NRDC: variants seen among roughly 807,000 people sequenced by gnomAD.
NRDC encodes the protein nardilysin.
Under a neutral mutation model 147.1 loss-of-function variants are expected in NRDC, and 54 were observed. The observed-to-expected ratio is 0.37, with a 90% confidence interval of 0.29 to 0.46. NRDC has a LOEUF of 0.46. Among genes scored for constraint, NRDC ranks in the 20% least tolerant of loss-of-function variants. NRDC has a pLI of 1.00. For missense variants in NRDC, 1,082 were observed against 1,370.6 expected, an observed-to-expected ratio of 0.79 and a Z score of 3.33; for synonymous variants, 440 against 482.1, an observed-to-expected ratio of 0.91 and a Z score of 1.14.
At chr1:51,808,373 G>A (rs543818974) in intron 17 of NRDC, among the ~76,000 whole-genome samples, 8 of 152,190 alleles carry the variant, frequency 5.3e-5, no homozygotes, top group African/African-American at 1.7e-4. Context: ...TGAATATTTC[G>A]TATACATGGA....
intron 1 of NRDC, among the ~76,000 whole-genome samples, chr1:51,866,256 A>G (rs1240026175): frequency 6.6e-6 from 1 of 152,174 alleles, no homozygotes; most frequent in East Asian, 1.9e-4. Flanking sequence ...AACAGTATCA[A>G]TAACTGCTAA....
intron 1 of NRDC, among the ~76,000 whole-genome samples, chr1:51,858,467 T>C (rs1185368728): frequency 6.9e-6 from 1 of 145,168 alleles, no homozygotes; most frequent in Non-Finnish European, 1.5e-5. Flanking sequence ...GGAAACCCTG[T>C]CTTTAAAAAA....
At chr1:51,846,372 C>T (rs1236843850) in intron 1 of NRDC, among the ~76,000 whole-genome samples, 1 of 152,190 alleles carries the variant, frequency 6.6e-6, no homozygotes, top group Admixed American at 6.5e-5. Flanking sequence ...CCTCGGTCTC[C>T]CAAAGTGCAG....
At chr1:51,808,225 C>T (rs1679556058) in intron 17 of NRDC, among the ~76,000 whole-genome samples, 1 of 152,154 alleles carries the variant, frequency 6.6e-6, no homozygotes, top group Admixed American at 6.5e-5. Context: ...GTGCAACTAC[C>T]ACTTCTAGCT....
intron 2 of NRDC, chr1:51,837,623 A>G (rs1219253035): frequency 3.3e-6 from 5 of 1,497,632 alleles, no homozygotes; most frequent in Non-Finnish European, 4.5e-6. Flanking sequence ...TGCAATTGCT[A>G]GAAAAGAAAT....
chr1:51,843,841 G>A (rs1681397055), intron 1 of NRDC, among the ~76,000 whole-genome samples: 1 of 150,272 alleles, frequency 6.7e-6, no homozygotes, highest in Admixed American at 6.6e-5. Context: ...CCCAATATCT[G>A]TATCAGATAC....
chr1:51,852,068 G>C (rs561915416), intron 1 of NRDC, among the ~76,000 whole-genome samples: 4 of 152,224 alleles, frequency 2.6e-5, no homozygotes, highest in African/African-American at 9.6e-5. Flanking sequence ...GTGTGTGAAT[G>C]GTCAGCTGAG....
intron 1 of NRDC, among the ~76,000 whole-genome samples, chr1:51,847,508 C>A (rs2149231248): frequency 6.6e-6 from 1 of 152,374 alleles, no homozygotes; most frequent in East Asian, 1.9e-4. Context: ...GGCTGCAGGT[C>A]CCGAGCCCTG....
rs532290014 is a variant in NRDC at position 51,795,008 on chromosome 1, T to C, written c.2605-154A>G. ...ACCTAAATGCTGGCAAGTTATTCAT[T>C]GACTGATTCAAGATTGATTGTGTTT... is the stretch of plus-strand genomic sequence containing the variant. On this transcript the variant is annotated intron_variant, in intron 22 of 30. Transcript: ENST00000352171. 5 of 1,500,826 alleles carry C rather than the reference T, an allele frequency of 3.3e-6. No homozygotes were observed. The African/African-American group carries it at 5.6e-5, about 17-fold the overall frequency. The allele number at this position is 1,500,826 out of a possible 1,614,324, so 93.0% of individuals were successfully genotyped here. A position where few individuals can be genotyped will look rare whatever the true frequency, so the allele number is the denominator to read the frequency against.
chr1:51,855,101 C>A (rs1682167254), intron 1 of NRDC, among the ~76,000 whole-genome samples: 1 of 152,186 alleles, frequency 6.6e-6, no homozygotes, highest in Non-Finnish European at 1.5e-5. Context: ...GACCTATACA[C>A]CACTGCTTCA....
At chr1:51,797,044 C>CA (rs553024165) in intron 22 of NRDC, among the ~76,000 whole-genome samples, 1 of 151,464 alleles carries the variant, frequency 6.6e-6, no homozygotes, top group Non-Finnish European at 1.5e-5. Context: ...GCTAAAAATA[C>CA]AAAAAATTAG....
At chr1:51,870,536 C>T (rs1301063617) in intron 1 of NRDC, among the ~76,000 whole-genome samples, 2 of 152,208 alleles carry the variant, frequency 1.3e-5, no homozygotes, top group African/African-American at 4.8e-5. Flanking sequence ...CTATGCATCC[C>T]ACTATTTCCC....
intron 20 of NRDC, among the ~76,000 whole-genome samples, chr1:51,801,537 A>G (rs887908340): frequency 6.6e-6 from 1 of 152,162 alleles, no homozygotes; most frequent in African/African-American, 2.4e-5. Context: ...GACCAGCCAT[A>G]TCACACCTAA....
intron 1 of NRDC, among the ~76,000 whole-genome samples, chr1:51,863,029 A>AAAAC (rs1553219047): frequency 2.0e-5 from 3 of 150,334 alleles, no homozygotes; most frequent in Admixed American, 6.6e-5. Context: ...AAAAAAAAAA[A>AAAAC]AAAAAAAAAC....
intron 1 of NRDC, among the ~76,000 whole-genome samples, chr1:51,850,732 G>C (rs1033922809): frequency 6.6e-6 from 1 of 152,168 alleles, no homozygotes; most frequent in African/African-American, 2.4e-5. Context: ...ACAGACCTCA[G>C]ATAAGGAGGA....
chr1:51,792,057 C>T lies in NRDC; in HGVS notation c.2865G>A (p.Lys955=). The change falls in exon 26 of 31, where the codon AAG becomes AAA. Residue 955 remains lysine (K), a synonymous_variant. Transcript: ENST00000352171. ...EEPCFDFLRT[K]QTLGYHVYPT... ...GCCAGCTGACTTACCCAAGGGTCTG[C>T]TTGGTTCGAAGGAAGTCAAAACAAG... 1 of 1,614,052 alleles carries T rather than the reference C, an allele frequency of 6.2e-7. No homozygotes were observed. Among genetic ancestry groups the T allele is most frequent in the Non-Finnish European group, 8.5e-7 (1 of 1,179,990 alleles).
chr1:51,789,629 G>A lies in NRDC; in HGVS notation c.3197C>T (p.Ser1066Leu), dbSNP rs773088093. The A allele has an allele frequency of 6.2e-7, 1 of 1,613,718 alleles. No homozygotes were observed. The highest frequency in any genetic ancestry group is 1.1e-5 in the South Asian group (1 of 91,062). The change falls in exon 30 of 31, where the codon TCA becomes TTA. Residue 1066 changes from serine (S) to leucine (L), a missense_variant. This residue lies in a region of NRDC where 187 missense variants were observed against 193.6 expected (regional missense o/e 0.97). Coordinates refer to ENST00000352171, the MANE Select transcript of NRDC (RefSeq NM_001101662.2). ...GGCCTTGAACCAGTTGACCAGGTCT[G>A]ATTTTGAGAATGACTTCAGTGCTTC... ...EIEALKSFSK[S>L]DLVNWFKAHR...
intron 1 of NRDC, among the ~76,000 whole-genome samples, chr1:51,862,728 A>T (rs1682602321): frequency 6.6e-6 from 1 of 151,872 alleles, no homozygotes; most frequent in Non-Finnish European, 1.5e-5. Context: ...CCTGTCTTAA[A>T]AAAAAGGCCA....
intron 24 of NRDC, among the ~76,000 whole-genome samples, chr1:51,792,830 C>G (rs748450552): frequency 1.6e-4 from 25 of 152,150 alleles, no homozygotes; most frequent in Non-Finnish European, 3.5e-4. Context: ...AATAGTGCCA[C>G]ACAACAAGAA....
Sources: gnomAD v4.1 joint callset for allele counts (sites outside exome capture counted in the v4.1 genomes callset) on GRCh38, gnomAD v4.1.1 for gene constraint, gnomAD v4.1.1 regional missense constraint, MANE v1.5 for transcripts, NCBI Gene and HGNC (gene_info 2026-07-23, HGNC 2026-07-21) for gene names.